The following ERBIN variants were observed in gnomAD, a reference collection of about 807,000 sequenced individuals.
The protein encoded by ERBIN is densin-180-like protein.
A neutral mutation model predicts 158.4 loss-of-function variants in ERBIN; 60 were observed. The observed-to-expected ratio is 0.38, with a 90% CI of 0.31 to 0.47. ERBIN has a LOEUF of 0.47. Among genes scored for constraint, ERBIN ranks in the 20% least tolerant of loss-of-function variants. The pLI, the probability that ERBIN is intolerant of heterozygous loss-of-function variation, is 0.99. For synonymous variants in ERBIN, 594 were observed against 557.2 expected (o/e 1.07, Z -0.93); for missense variants, 1,610 against 1,648.0 (o/e 0.98, Z 0.40).
chr5:65,993,069 C>T (rs927216128), intron 3 of ERBIN, among the ~76,000 whole-genome samples, 162 bp downstream of exon 3: 2 of 151,900 alleles, frequency 1.3e-5, no homozygotes, highest in African/African-American at 4.8e-5. Context: ...TTTTAAAAGT[C>T]GATTTTAAAA....
intron 1 of ERBIN, among the ~76,000 whole-genome samples, chr5:65,938,741 C>T (rs560834191): frequency 6.7e-4 from 102 of 152,070 alleles, no homozygotes; most frequent in Middle Eastern, 3.4e-3. Flanking sequence ...TTAGTAGAGA[C>T]GGGGTTTCAC....
rs931899749 is a variant in ERBIN, at chr5:66,054,397, A to G, written c.3079A>G (p.Asn1027Asp). The change falls in exon 21 of 26, where the codon AAT becomes GAT. Residue 1027 changes from asparagine (N) to aspartate (D), a missense_variant. This residue lies in a region of ERBIN where 1,014 missense variants were observed against 936.1 expected (regional missense o/e 1.08). Transcript: ENST00000284037. Reference protein sequence around the residue: ...ENQSYAKHSANMNFSNHNNVR... With the variant: ...ENQSYAKHSADMNFSNHNNVR... Reference sequence around the variant, plus strand: ...TCAAAGTTATGCTAAACATTCTGCCAATATGAATTTCTCTAATCATAACAA... The same window carrying G: ...TCAAAGTTATGCTAAACATTCTGCCGATATGAATTTCTCTAATCATAACAA... 19 of 1,614,088 alleles carry G rather than the reference A, an allele frequency of 1.2e-5. No homozygotes were observed. Among genetic ancestry groups the G allele is most frequent in the East Asian group, 2.2e-5 (1 of 44,902 alleles).
chr5:65,957,411 G>A (rs1213477149), intron 1 of ERBIN, among the ~76,000 whole-genome samples: 1 of 151,980 alleles, frequency 6.6e-6, no homozygotes, highest in East Asian at 1.9e-4. Flanking sequence ...TTAGGGAGTG[G>A]TGATGACTCT....
At chr5:66,010,005 CA>C (rs1754035428) in intron 4 of ERBIN, among the ~76,000 whole-genome samples, 2 of 152,182 alleles carry the variant, frequency 1.3e-5, no homozygotes, top group Non-Finnish European at 2.9e-5. Context: ...GAACAACCAC[CA>C]AACTACTTTC....
chr5:65,946,191 A>G (rs1304751793), intron 1 of ERBIN, among the ~76,000 whole-genome samples: 1 of 152,060 alleles, frequency 6.6e-6, no homozygotes, highest in Non-Finnish European at 1.5e-5. Context: ...ATGATGAAAC[A>G]TCGTCTCTAC....
chr5:65,964,604 G>C (rs187030758), intron 1 of ERBIN, among the ~76,000 whole-genome samples: 6 of 152,236 alleles, frequency 3.9e-5, no homozygotes, highest in Admixed American at 3.3e-4. Context: ...TGTGTATAAT[G>C]ACAGCAATAA....
chr5:66,054,067 A>T lies in ERBIN; in HGVS notation c.2749A>T (p.Thr917Ser), dbSNP rs754596691. 6.2e-7 allele frequency: 1 copy of T among 1,614,206 alleles called. No individual in the cohort carries two copies. The highest frequency in any genetic ancestry group is 1.1e-5 in the South Asian group (1 of 91,086). The change falls in exon 21 of 26, where the codon ACA (threonine) becomes TCA (serine). Residue 917 changes from threonine to serine, a missense_variant. Physicochemically the swap from Thr to Ser is moderately conservative, Grantham distance 58 (BLOSUM62 1). Transcript: ENST00000284037. ...GKNIVRSKSA[T>S]LLYDQPLQVF... ...AAATATAGTCAGGAGCAAGTCTGCC[A>T]CACTGTTGTATGATCAACCATTGCA...
At chr5:66,067,162 T>G (rs1761079497) in intron 21 of ERBIN, among the ~76,000 whole-genome samples, 2 of 152,174 alleles carry the variant, frequency 1.3e-5, no homozygotes. Flanking sequence ...TTAACCTTGG[T>G]GAAATGGTTT....
intron 21 of ERBIN, among the ~76,000 whole-genome samples, chr5:66,066,207 A>C (rs1414676653): frequency 6.6e-6 from 1 of 152,182 alleles, no homozygotes; most frequent in Non-Finnish European, 1.5e-5. Flanking sequence ...AGTGCTACAT[A>C]AATATATTAC....
intron 1 of ERBIN, among the ~76,000 whole-genome samples, chr5:65,942,535 A>G (rs1295093395): frequency 6.6e-6 from 1 of 152,232 alleles, no homozygotes; most frequent in Non-Finnish European, 1.5e-5. Context: ...AGCTTAATTT[A>G]CAAAAAAAGT....
At chr5:65,941,310 CAATAA>C (rs1172567803) in intron 1 of ERBIN, among the ~76,000 whole-genome samples, 26 of 12,294 alleles carry the variant, frequency 2.1e-3, no homozygotes, top group Admixed American at 9.7e-4. Flanking sequence ...CAAGAATGAT[CAATAA>C]AAAAAAAAAA....
chr5:66,074,707 A>G (rs1761830836), intron 22 of ERBIN, among the ~76,000 whole-genome samples: 1 of 152,208 alleles, frequency 6.6e-6, no homozygotes, highest in African/African-American at 2.4e-5. Flanking sequence ...TTATTATAAG[A>G]TAGATACATC....
chr5:65,958,501 A>G lies in ERBIN; in HGVS notation c.-57-30134A>G, dbSNP rs190981691. Among the ~76,000 whole-genome samples, 533 of 152,310 alleles carry G rather than the reference A, an allele frequency of 3.5e-3. 7 individuals are homozygous for G. The highest frequency in any genetic ancestry group is 0.028 in the South Asian group (134 of 4,826). The stretch of plus-strand genomic sequence containing the variant: ...TCAGGCGGGGCGGTGCGCGCCTGCA[A>G]TCGCAGGCACTGGGCAGGCTGAGGC... On this transcript the variant is annotated intron_variant, in intron 1 of 25. Transcript: ENST00000284037.
At chr5:65,997,847 C>T (rs754422606) in intron 4 of ERBIN, among the ~76,000 whole-genome samples, 1 of 152,064 alleles carries the variant, frequency 6.6e-6, no homozygotes, top group African/African-American at 2.4e-5. Flanking sequence ...TACTATGAAG[C>T]ATTTTAGGGC....
chr5:66,012,401 C>T (rs1754298329), intron 5 of ERBIN, among the ~76,000 whole-genome samples: 2 of 152,162 alleles, frequency 1.3e-5, no homozygotes, highest in Admixed American at 6.5e-5. Flanking sequence ...CACATTTCCT[C>T]ACTCTGTGTT....
At chr5:66,019,928 AAATCTCCACCTGGTAT>A (rs1755508378) in intron 7 of ERBIN, among the ~76,000 whole-genome samples, 1 of 152,078 alleles carries the variant, frequency 6.6e-6, no homozygotes, top group Admixed American at 6.6e-5. Context: ...CACTTTTTGC[AAATCTCCACCTGGTAT>A]AGTTATTTGA....
intron 1 of ERBIN, among the ~76,000 whole-genome samples, chr5:65,958,402 C>T (rs1340322897): frequency 6.6e-6 from 1 of 152,232 alleles, no homozygotes; most frequent in African/African-American, 2.4e-5. Context: ...GCAGATCACT[C>T]GCGGTTAGGA....
At chr5:66,027,427 T>C (rs1756389430) in intron 13 of ERBIN, among the ~76,000 whole-genome samples, 1 of 152,032 alleles carries the variant, frequency 6.6e-6, no homozygotes, top group Non-Finnish European at 1.5e-5. Flanking sequence ...AAATAAGATA[T>C]TTTCATTTAG....
intron 1 of ERBIN, among the ~76,000 whole-genome samples, chr5:65,957,751 A>T (rs1395381743): frequency 1.3e-5 from 2 of 151,984 alleles, no homozygotes; most frequent in African/African-American, 2.4e-5. Flanking sequence ...GATGGGGTGG[A>T]GGCCGGGCAG....
Sources: gnomAD v4.1 joint callset for allele counts (sites outside exome capture counted in the v4.1 genomes callset) on GRCh38, gnomAD v4.1.1 for gene constraint, gnomAD v4.1.1 regional missense constraint, MANE v1.5 for transcripts, NCBI Gene and HGNC (gene_info 2026-07-23, HGNC 2026-07-21) for gene names.